Variants in ETV6 observed in about 807,000 individuals in gnomAD.
ETV6 encodes the protein ETS variant transcription factor 6.
ETV6 carries 16 observed loss-of-function variants against 51.1 expected under a neutral mutation model. The ratio of observed to expected loss-of-function variants is 0.31; its 90% CI spans 0.21 to 0.48. The LOEUF (loss-of-function observed/expected upper bound fraction) is 0.48, where lower values mean the gene tolerates loss of function less well. Among genes scored for constraint, ETV6 ranks in the 20% least tolerant of loss-of-function variants. The pLI is 0.99. For missense variants in ETV6, 458 were observed against 594.8 expected (o/e 0.77, Z 2.39); for synonymous variants, 240 against 224.1 (o/e 1.07, Z -0.64).
At chr12:11,780,739 T>A (rs1431081869) in intron 2 of ETV6, among the ~76,000 whole-genome samples, 1 of 152,222 alleles carries the variant, frequency 6.6e-6, no homozygotes, top group Non-Finnish European at 1.5e-5. Flanking sequence ...CAGGTTATGT[T>A]CCAGGGAACA....
chr12:11,821,971 T>G (rs758198555), intron 2 of ETV6, among the ~76,000 whole-genome samples: 14 of 152,224 alleles, frequency 9.2e-5, no homozygotes, highest in Non-Finnish European at 1.0e-4. Flanking sequence ...CCGGTTGTGC[T>G]CTTTTCATGT....
intron 2 of ETV6, among the ~76,000 whole-genome samples, chr12:11,760,179 A>G (rs1945064454): frequency 6.6e-6 from 1 of 152,262 alleles, no homozygotes; most frequent in Admixed American, 6.5e-5. Flanking sequence ...ATTCCCAAGT[A>G]TAATTAGTCA....
At chr12:11,664,822 A>T (rs1864166555) in intron 1 of ETV6, among the ~76,000 whole-genome samples, 1 of 151,904 alleles carries the variant, frequency 6.6e-6, no homozygotes, top group South Asian at 2.1e-4. Flanking sequence ...CTCCTCTCTG[A>T]TCTTCCTTCC....
At chr12:11,874,607 T>C (rs1341913361) in intron 5 of ETV6, among the ~76,000 whole-genome samples, 5 of 15,128 alleles carry the variant, frequency 3.3e-4, no homozygotes, top group African/African-American at 4.3e-4. Context: ...TATGTGTATG[T>C]GCGTGTGTAC....
chr12:11,676,695 A>G (rs1480971711), intron 1 of ETV6, among the ~76,000 whole-genome samples: 1 of 152,092 alleles, frequency 6.6e-6, no homozygotes, highest in Non-Finnish European at 1.5e-5. Context: ...CTTCTATCAC[A>G]TCACCTTGTT....
At chr12:11,790,066 T>TG (rs1945557543) in intron 2 of ETV6, among the ~76,000 whole-genome samples, 1 of 150,632 alleles carries the variant, frequency 6.6e-6, no homozygotes, top group Non-Finnish European at 1.5e-5. Flanking sequence ...AAGTTCCTCT[T>TG]GGAGAGATTC....
intron 1 of ETV6, among the ~76,000 whole-genome samples, chr12:11,733,028 C>T (rs1293496622): frequency 1.3e-5 from 2 of 152,148 alleles, no homozygotes. Flanking sequence ...TCTTTAACCC[C>T]ACTCAGACTC....
At chr12:11,770,317 C>G (rs999532437) in intron 2 of ETV6, among the ~76,000 whole-genome samples, 1 of 151,784 alleles carries the variant, frequency 6.6e-6, no homozygotes, top group Non-Finnish European at 1.5e-5. Flanking sequence ...GGCCGTGGCC[C>G]GGGTTTCAGG....
At chr12:11,850,610 G>A (rs558202977) in intron 3 of ETV6, among the ~76,000 whole-genome samples, 1 of 152,306 alleles carries the variant, frequency 6.6e-6, no homozygotes, top group East Asian at 1.9e-4. Flanking sequence ...AGCTTTTCCT[G>A]TTTGCCTCAC....
At chr12:11,872,352 T>G (rs1001861385) in intron 5 of ETV6, among the ~76,000 whole-genome samples, 3 of 152,216 alleles carry the variant, frequency 2.0e-5, no homozygotes, top group African/African-American at 7.2e-5. Flanking sequence ...ACCTCCCAGG[T>G]GACACTGCCT....
chr12:11,682,741 T>A (rs946883591), intron 1 of ETV6, among the ~76,000 whole-genome samples: 1 of 152,214 alleles, frequency 6.6e-6, no homozygotes, highest in Non-Finnish European at 1.5e-5. Context: ...TAATCCATCT[T>A]GAGTTAATTT....
In ETV6 at chr12:11,815,845, G is replaced by A. The variant is rs558969512; in HGVS notation, c.164-23295G>A. Among the ~76,000 whole-genome samples, 23 of 152,280 alleles carry A rather than the reference G, an allele frequency of 1.5e-4. 2 individuals are homozygous for A. The East Asian group carries it at 4.2e-3, about 28-fold the overall frequency. On this transcript the variant is annotated intron_variant, in intron 2 of 7. Coordinates refer to ENST00000396373, the MANE Select transcript of ETV6 (RefSeq NM_001987.5). Reference sequence around the variant, plus strand: ...GGTATAGTAGAAACTCTTGGAACCTGCAGTTATTGAAGGGTTTAAAACTCA... The same window carrying A: ...GGTATAGTAGAAACTCTTGGAACCTACAGTTATTGAAGGGTTTAAAACTCA...
chr12:11,700,103 C>A (rs893454166), intron 1 of ETV6, among the ~76,000 whole-genome samples: 2 of 152,128 alleles, frequency 1.3e-5, no homozygotes, highest in African/African-American at 4.8e-5. Context: ...TGCATGAGGC[C>A]TGGAACATTG....
chr12:11,864,333 G>A (rs1271577234), intron 4 of ETV6, among the ~76,000 whole-genome samples: 1 of 152,194 alleles, frequency 6.6e-6, no homozygotes, highest in Non-Finnish European at 1.5e-5. Flanking sequence ...GCCTGTGACC[G>A]TTTTGAAATT....
rs1723272467 is a variant in ETV6 at position 11,894,420 on chromosome 12, G to A, written c.*3374G>A. On this transcript the variant is annotated 3_prime_UTR_variant, in exon 8 of 8. Transcript: ENST00000396373. ...ATGTTGAAGGTAACATGAACTCTAA[G>A]ATCTTGACCCAGGGCGACTTGGTTT... is the stretch of plus-strand genomic sequence containing the variant. The A allele has an allele frequency of 4.3e-6, 1 of 232,726 alleles. No individual in the cohort carries two copies. Among genetic ancestry groups the A allele is most frequent in the Non-Finnish European group, 8.5e-6 (1 of 117,928 alleles). The allele number at this position is 232,726 out of a possible 1,614,324, so 14.4% of individuals were successfully genotyped here.
chr12:11,743,763 G>C (rs992580099), intron 1 of ETV6, among the ~76,000 whole-genome samples: 4 of 152,192 alleles, frequency 2.6e-5, no homozygotes, highest in Admixed American at 1.3e-4. Context: ...CTGAGTTGCA[G>C]CTCGCTGGGG....
Position 11,831,136 on chromosome 12 carries a change from A to C in ETV6, c.164-8004A>C, listed in dbSNP as rs74452598. 8.3e-3 allele frequency among the ~76,000 whole-genome samples: 1,267 copies of C among 152,186 alleles called. 20 individuals carry two copies. Among genetic ancestry groups the C allele is most frequent in the African/African-American group, 0.029 (1,215 of 41,500 alleles). ...AGAAGGAAGGGAGACAACTAAAGAA[A>C]CTGATGAGGCGATATTGGGGATATT... On this transcript the variant is annotated intron_variant, in intron 2 of 7. Coordinates refer to ENST00000396373, the MANE Select transcript of ETV6 (RefSeq NM_001987.5).
At chr12:11,680,331 ATTTAGTATTTTCATTGTTCACAT>A (rs1187873777) in intron 1 of ETV6, among the ~76,000 whole-genome samples, 1 of 152,176 alleles carries the variant, frequency 6.6e-6, no homozygotes, top group Non-Finnish European at 1.5e-5. Flanking sequence ...CATGTATGTT[ATTTAGTATTTTCATTGTTCACAT>A]TTTTCTCATT....
chr12:11,788,373 TA>T (rs1334984115), intron 2 of ETV6, among the ~76,000 whole-genome samples: 2 of 151,862 alleles, frequency 1.3e-5, no homozygotes, highest in Non-Finnish European at 2.9e-5. Context: ...ATTCTGCCTT[TA>T]AAAAAAACGA....
Sources: allele counts gnomAD v4.1 joint callset (sites outside exome capture counted in the v4.1 genomes callset), GRCh38; gene constraint gnomAD v4.1.1; transcripts MANE v1.5; gene names NCBI Gene and HGNC (gene_info 2026-07-23, HGNC 2026-07-21).